FRMD3: variants seen among roughly 807,000 people sequenced by gnomAD.
FRMD3 encodes the protein FERM domain containing 3, also known as FERM domain-containing protein 3.
A neutral mutation model predicts 70.2 loss-of-function variants in FRMD3; 33 were observed. The observed-to-expected ratio is 0.47, with a 90% confidence interval of 0.36 to 0.63. The LOEUF is 0.63. Ranked by LOEUF, FRMD3 falls within the 20% of genes least tolerant of loss-of-function variation. The probability of loss-of-function intolerance (pLI) is 0.00; values close to 1 mark genes in which losing one functional copy is unlikely to be tolerated. For synonymous variants in FRMD3, 279 were observed against 255.9 expected (o/e 1.09, Z -0.86); for missense variants, 632 against 711.4 (o/e 0.89, Z 1.27).
In FRMD3 at chr9:83,511,867, G is replaced by A. The variant is rs192923458; in HGVS notation, c.147+26218C>T. On this transcript the variant is annotated intron_variant, in intron 1 of 13. Transcript: ENST00000304195. ...CTGAGGAGCAGGTGGTGCCTAGTCT[G>A]CTCCCGACTGTCCAGCACTCACCTG... Among the ~76,000 whole-genome samples the A allele has an allele frequency of 7.9e-5, 12 of 152,304 alleles. No individual in the cohort carries two copies. The East Asian group carries it at 2.3e-3, about 29-fold the overall frequency.
Position 83,538,222 on chromosome 9 carries a change from A to G in FRMD3, c.10T>C (p.Ser4Pro). The G allele has an allele frequency of 6.3e-7, 1 of 1,575,166 alleles. No individual in the cohort carries two copies. The highest frequency in any genetic ancestry group is 8.6e-7 in the Non-Finnish European group (1 of 1,159,496). MFA[S>P]CHCVPRGRRT... ...CTGCCTCTCGGCACACAGTGGCAGG[A>G]GGCGAACATGCACCGCGGCCGTGGG... The change falls in exon 1 of 14, where the codon TCC becomes CCC. Residue 4 changes from serine (S) to proline (P), a missense_variant. Ser to Pro is a moderately conservative substitution (Grantham distance 74). This residue lies in a region of FRMD3 where 208 missense variants were observed against 247.7 expected (regional missense o/e 0.84). Coordinates refer to ENST00000304195, the MANE Select transcript of FRMD3 (RefSeq NM_174938.6). The surrounding 1 kb of genome is among the most constrained non-coding windows in gnomAD (Gnocchi z 4.7).
intron 1 of FRMD3, among the ~76,000 whole-genome samples, chr9:83,444,647 G>A (rs1236948762): frequency 2.0e-5 from 3 of 152,122 alleles, no homozygotes; most frequent in Admixed American, 6.5e-5. Context: ...CTAACATCAG[G>A]TTCTAGAGGT....
intron 1 of FRMD3, among the ~76,000 whole-genome samples, chr9:83,499,027 G>A (rs1206873341): frequency 6.6e-6 from 1 of 152,144 alleles, no homozygotes; most frequent in Non-Finnish European, 1.5e-5. Flanking sequence ...GGGTCCTTGG[G>A]TTTTGTCACC....
At chr9:83,411,734 T>G (rs1475797456) in intron 1 of FRMD3, among the ~76,000 whole-genome samples, 1 of 152,242 alleles carries the variant, frequency 6.6e-6, no homozygotes, top group Non-Finnish European at 1.5e-5. Flanking sequence ...TATATATTAT[T>G]TCATCTCATC....
chr9:83,450,753 A>C (rs1396834593), intron 1 of FRMD3, among the ~76,000 whole-genome samples: 1 of 152,154 alleles, frequency 6.6e-6, no homozygotes, highest in Non-Finnish European at 1.5e-5. Context: ...GGGAAAACAA[A>C]ACCATTAAAC....
chr9:83,526,167 C>T (rs994406183), intron 1 of FRMD3, among the ~76,000 whole-genome samples: 3 of 152,218 alleles, frequency 2.0e-5, no homozygotes, highest in African/African-American at 7.2e-5. Context: ...GTGTCAGCTT[C>T]ACAGGTGTGT....
At chr9:83,341,960 C>T (rs554577642) in intron 5 of FRMD3, among the ~76,000 whole-genome samples, 1 of 152,090 alleles carries the variant, frequency 6.6e-6, no homozygotes, top group African/African-American at 2.4e-5. Context: ...TTGTGGTAGG[C>T]AGATGATCAT....
At chr9:83,342,827 G>C (rs1243889080) in intron 5 of FRMD3, among the ~76,000 whole-genome samples, 1 of 152,052 alleles carries the variant, frequency 6.6e-6, no homozygotes, top group Non-Finnish European at 1.5e-5. Flanking sequence ...TGTCCATTAG[G>C]CCTCTCACCT....
intron 1 of FRMD3, among the ~76,000 whole-genome samples, chr9:83,442,680 C>T (rs961071031): frequency 6.6e-6 from 1 of 152,038 alleles, no homozygotes; most frequent in African/African-American, 2.4e-5. Flanking sequence ...ACCACCCCAC[C>T]CCCAACCCCA....
chr9:83,489,068 G>C (rs1423232190), intron 1 of FRMD3, among the ~76,000 whole-genome samples: 1 of 151,266 alleles, frequency 6.6e-6, no homozygotes, highest in Non-Finnish European at 1.5e-5. Flanking sequence ...AAAATGACAG[G>C]AGGTATCTAT....
chr9:83,304,302 C>T (rs1835038256), intron 10 of FRMD3, among the ~76,000 whole-genome samples: 1 of 152,158 alleles, frequency 6.6e-6, no homozygotes, highest in Admixed American at 6.5e-5. Flanking sequence ...AAAGCTCCTC[C>T]AGGTGATGTT....
At chr9:83,310,579 A>G (rs1461146384) in intron 8 of FRMD3, 31 bp from the exon 9 acceptor site, 27 of 1,559,220 alleles carry the variant, frequency 1.7e-5, no homozygotes, top group Non-Finnish European at 2.3e-5. Context: ...GGTAAGAAGA[A>G]AAAAAGTGGC....
chr9:83,330,343 A>G (rs1311970452), intron 6 of FRMD3, among the ~76,000 whole-genome samples: 1 of 151,630 alleles, frequency 6.6e-6, no homozygotes, highest in Non-Finnish European at 1.5e-5. Flanking sequence ...AAAAACAAAA[A>G]AAACAGAGGA....
the FRMD3 span, among the ~76,000 whole-genome samples, chr9:83,567,008 C>T: frequency 3.2e-4 from 48 of 152,360 alleles, 1 homozygote; most frequent in South Asian, 4.8e-3. Context: ...TCCAACCCCA[C>T]ATTCCCCTTC....
At chr9:83,286,490 C>T (rs1834217581) in intron 13 of FRMD3, among the ~76,000 whole-genome samples, 1 of 152,122 alleles carries the variant, frequency 6.6e-6, no homozygotes, top group African/African-American at 2.4e-5. Context: ...TGCCACCACA[C>T]CCAGCTAATT....
In FRMD3 at chr9:83,245,952, C is replaced by A. The variant is rs1832072434; in HGVS notation, c.*1966G>T. On this transcript the variant is annotated 3_prime_UTR_variant, in exon 14 of 14. Transcript: ENST00000304195. ...TATCAACTTTCAGGTAATAAACAAACAATCTTTATTTAAAAAGCAAAATAA... is the reference window on the plus strand; with the variant it reads ...TATCAACTTTCAGGTAATAAACAAAAAATCTTTATTTAAAAAGCAAAATAA... 1.0e-6 allele frequency: 1 copy of A among 981,800 alleles called. No individual in the cohort carries two copies. Among genetic ancestry groups the A allele is most frequent in the African/African-American group, 1.8e-5 (1 of 57,112 alleles). 60.8% of individuals were successfully genotyped at this position (981,800 alleles called of 1,614,324 possible).
intron 1 of FRMD3, among the ~76,000 whole-genome samples, chr9:83,452,498 T>C (rs1488037618): frequency 6.6e-6 from 1 of 152,200 alleles, no homozygotes; most frequent in Non-Finnish European, 1.5e-5. Context: ...GTTGTTTTTT[T>C]TGAGACGGAG....
Position 83,507,893 on chromosome 9 carries a change from C to A in FRMD3, c.147+30192G>T, listed in dbSNP as rs1365779374. ...TAAATACATGAACCAGTAACATAGT[C>A]ATTTATTATCATTATCAAGTACTAC... On this transcript the variant is annotated intron_variant, in intron 1 of 13. Coordinates refer to ENST00000304195, the MANE Select transcript of FRMD3 (RefSeq NM_174938.6). Among the ~76,000 whole-genome samples, 7 of 150,828 alleles carry A rather than the reference C, an allele frequency of 4.6e-5. No individual in the cohort carries two copies. The South Asian group carries it at 6.3e-4, about 14-fold the overall frequency.
At chr9:83,429,803 G>A (rs1279636043) in intron 1 of FRMD3, among the ~76,000 whole-genome samples, 1 of 151,962 alleles carries the variant, frequency 6.6e-6, no homozygotes, top group Non-Finnish European at 1.5e-5. Flanking sequence ...TCTTGTCTCT[G>A]CCATTTGTTC....
Sources: gnomAD v4.1 joint callset for allele counts (sites outside exome capture counted in the v4.1 genomes callset) on GRCh38, gnomAD v4.1.1 for gene constraint, gnomAD v4.1.1 regional missense constraint, Gnocchi (gnomAD v3.1) non-coding constraint, MANE v1.5 for transcripts, NCBI Gene and HGNC (gene_info 2026-07-23, HGNC 2026-07-21) for gene names.